Variants in FOLR1 observed in about 807,000 individuals in gnomAD.
The protein encoded by FOLR1 is folate receptor alpha.
FOLR1 carries 11 observed loss-of-function variants against 22.8 expected under a neutral mutation model. The ratio of observed to expected loss-of-function variants is 0.48; its 90% CI spans 0.30 to 0.80. FOLR1 has a LOEUF of 0.80. Among genes scored for constraint, FOLR1 ranks in the 30% least tolerant of loss-of-function variants. FOLR1 has a pLI of 0.06. For missense variants in FOLR1, 273 were observed against 320.3 expected, an observed-to-expected ratio of 0.85 and a Z score of 1.13; for synonymous variants, 108 against 116.5, an observed-to-expected ratio of 0.93 and a Z score of 0.47.
At chr11:72,193,583 C>T (rs190967002) in intron 1 of FOLR1, among the ~76,000 whole-genome samples, 65 of 148,826 alleles carry the variant, frequency 4.4e-4, no homozygotes, top group Non-Finnish European at 8.3e-4. Context: ...AGTAGGCACA[C>T]GCCACCACAC....
chr11:72,192,052 G>C (rs1948162841), upstream of FOLR1: 1 of 1,063,246 alleles, frequency 9.4e-7, no homozygotes, highest in African/African-American at 1.6e-5. Flanking sequence ...GATGGGGGCA[G>C]GGCTCTATCT....
At chr11:72,194,435 T>C (rs1209546407) in intron 1 of FOLR1, among the ~76,000 whole-genome samples, 2 of 152,328 alleles carry the variant, frequency 1.3e-5, no homozygotes, top group South Asian at 4.1e-4. Context: ...AGTCTTGCTC[T>C]GTCGCCCAGG....
chr11:72,195,204 T>C (rs1259098384), intron 1 of FOLR1, 67 bp from the exon 2 acceptor site: 3 of 1,429,508 alleles, frequency 2.1e-6, no homozygotes, highest in African/African-American at 2.8e-5. Context: ...AGACACTGCA[T>C]GTGGAATATT....
In FOLR1 at chr11:72,196,275, C is replaced by A. The variant is rs1948235115; in HGVS notation, c.*98C>A. On this transcript the variant is annotated 3_prime_UTR_variant, in exon 4 of 4. Coordinates refer to ENST00000393676, the MANE Select transcript of FOLR1 (RefSeq NM_016729.3). The stretch of plus-strand genomic sequence containing the variant: ...GCTCCATGGTCGGGCCTCTGACAGC[C>A]ACTTTGAATAAACCAGACACCGCAC... 1.6e-6 allele frequency: 2 copies of A among 1,257,126 alleles called. No homozygotes were observed. Among genetic ancestry groups the A allele is most frequent in the African/African-American group, 1.5e-5 (1 of 68,008 alleles). The allele number at this position is 1,257,126 out of a possible 1,614,324, so 77.9% of individuals were successfully genotyped here.
intron 1 of FOLR1, among the ~76,000 whole-genome samples, chr11:72,193,399 G>A (rs1205969797): frequency 6.6e-6 from 1 of 151,562 alleles, no homozygotes. Context: ...GGAGGAAAGG[G>A]AGGGAGGAAA....
intron 1 of FOLR1, among the ~76,000 whole-genome samples, chr11:72,193,072 C>A (rs974453039): frequency 3.3e-5 from 5 of 152,098 alleles, no homozygotes; most frequent in African/African-American, 1.2e-4. Flanking sequence ...TTACGGCTCA[C>A]GCCTGTAATC....
At position 72,195,744 on chromosome 11, in the gene FOLR1, T is replaced by G. The variant is rs1322696354; in HGVS notation, c.490T>G (p.Ser164Ala). 6.2e-7 allele frequency: 1 copy of G among 1,614,144 alleles called. No individual in the cohort carries two copies. Among genetic ancestry groups the G allele is most frequent in the East Asian group, 2.2e-5 (1 of 44,884 alleles). ...CTGGCACAAGGGCTGGAACTGGACT[T>G]CAGGTGAGGGCTGGGGTGGGCAGGA... ...SNWHKGWNWT[S>A]GFNKCAVGAA... The change falls in exon 3 of 4, where the codon TCA becomes GCA. Residue 164 changes from serine (S) to alanine (A), a missense_variant. Physicochemically the swap from Ser to Ala is moderately conservative, Grantham distance 99. Coordinates refer to ENST00000393676, the MANE Select transcript of FOLR1 (RefSeq NM_016729.3).
intron 1 of FOLR1, among the ~76,000 whole-genome samples, chr11:72,194,632 C>T (rs1948202407): frequency 6.6e-6 from 1 of 152,192 alleles, no homozygotes; most frequent in African/African-American, 2.4e-5. Context: ...ATCTCTTAGC[C>T]TCGTGATCCA....
At chr11:72,190,929 G>C (rs1324734642), upstream of FOLR1, among the ~76,000 whole-genome samples, 1 of 152,234 alleles carries the variant, frequency 6.6e-6, no homozygotes, top group Non-Finnish European at 1.5e-5. Flanking sequence ...GAGCGGGAAA[G>C]GCATGTCCAC....
In FOLR1 at chr11:72,195,342, C is replaced by T; in HGVS notation, c.240C>T (p.Tyr80=). The T allele has an allele frequency of 1.9e-6, 3 of 1,614,060 alleles. No individual in the cohort carries two copies. The South Asian group carries it at 3.3e-5, about 18-fold the overall frequency. The stretch of plus-strand genomic sequence containing the variant: ...AGGAAGCCCATAAGGATGTTTCCTA[C>T]CTATATAGATTCAACTGGAACCACT... The part of the protein sequence containing the change: ...TSQEAHKDVS[Y]LYRFNWNHCG... Residue 80 remains tyrosine, a synonymous_variant, in exon 2 of 4, where the codon TAC becomes TAT. Transcript: ENST00000393676.
intron 1 of FOLR1, among the ~76,000 whole-genome samples, chr11:72,193,066 G>A (rs1015627751): frequency 6.6e-6 from 1 of 152,134 alleles, no homozygotes; most frequent in African/African-American, 2.4e-5. Context: ...CAGGTGTTAC[G>A]GCTCACGCCT....
At chr11:72,191,246 G>A (rs1052035903), upstream of FOLR1, among the ~76,000 whole-genome samples, 9 of 152,278 alleles carry the variant, frequency 5.9e-5, no homozygotes, top group Admixed American at 1.3e-4. Context: ...TTTCCGGGAA[G>A]GGCCTACTAA....
chr11:72,195,627 C>T lies in FOLR1; in HGVS notation c.373C>T (p.Arg125Cys), dbSNP rs752503322. Residue 125 changes from arginine (R) to cysteine (C), a missense_variant, in exon 3 of 4, where the codon CGC becomes TGC. By Grantham distance (180) the Arg-to-Cys change is radical (BLOSUM62 -3). Transcript: ENST00000393676. ...AATCACCCAGGTGGATCAGAGCTGG[C>T]GCAAAGAGCGGGTACTGAACGTGCC... ...PWIQQVDQSW[R>C]KERVLNVPLC... 20 of 1,614,070 alleles carry T rather than the reference C, an allele frequency of 1.2e-5. No individual in the cohort carries two copies. The highest frequency in any genetic ancestry group is 2.7e-5 in the African/African-American group (2 of 74,922).
At position 72,195,916 on chromosome 11, in the gene FOLR1, G is replaced by A. The variant is rs1948225369; in HGVS notation, c.513G>A (p.Val171=). ...NWTSGFNKCA[V]GAACQPFHFY... ...CTACAGGGTTTAACAAGTGCGCAGT[G>A]GGAGCTGCCTGCCAACCTTTCCATT... The change falls in exon 4 of 4, where the codon GTG becomes GTA. Residue 171 remains valine (V), a synonymous_variant. Coordinates refer to ENST00000393676, the MANE Select transcript of FOLR1 (RefSeq NM_016729.3). 6.2e-7 allele frequency: 1 copy of A among 1,614,182 alleles called. No homozygotes were observed. The highest frequency in any genetic ancestry group is 1.1e-5 in the South Asian group (1 of 91,070).
chr11:72,192,417 C>T, intron 1 of FOLR1, 76 bp downstream of exon 1: 2 of 1,522,644 alleles, frequency 1.3e-6, no homozygotes, highest in South Asian at 2.3e-5. Flanking sequence ...ATGCCAAACC[C>T]CATTCACTGG....
At position 72,195,467 on chromosome 11, in the gene FOLR1, T is replaced by C; in HGVS notation, c.357+8T>C. The C allele has an allele frequency of 6.2e-7, 1 of 1,614,168 alleles. No homozygotes were observed. The highest frequency in any genetic ancestry group is 1.1e-5 in the South Asian group (1 of 91,086). On this transcript the variant is annotated splice_region_variant and intron_variant, in intron 2 of 3. Transcript: ENST00000393676. The stretch of plus-strand genomic sequence containing the variant: ...GGGCCCTGGATCCAGCAGGTATGCA[T>C]GGCTTCCTGCAGGTACAAGACCTAG...
chr11:72,195,725 C>T lies in FOLR1; in HGVS notation c.471C>T (p.His157=). Residue 157 remains histidine (H), a synonymous_variant, in exon 3 of 4, where the codon CAC becomes CAT. Transcript: ENST00000393676. ...CCTACACCTGCAAGAGCAACTGGCA[C>T]AAGGGCTGGAACTGGACTTCAGGTG... is the stretch of plus-strand genomic sequence containing the variant. ...RTSYTCKSNW[H]KGWNWTSGFN... is the part of the protein sequence containing the mutation. 6.2e-7 allele frequency: 1 copy of T among 1,614,180 alleles called. No individual in the cohort carries two copies. The highest frequency in any genetic ancestry group is 1.1e-5 in the South Asian group (1 of 91,084).
chr11:72,196,321 G>A, downstream of FOLR1: 2 of 841,600 alleles, frequency 2.4e-6, no homozygotes. Flanking sequence ...AGAATTATTT[G>A]GATATGAATG....
intron 1 of FOLR1, 126 bp from the exon 2 acceptor site, chr11:72,195,145 T>A (rs1222002631): frequency 1.0e-6 from 1 of 978,666 alleles, no homozygotes; most frequent in African/African-American, 1.6e-5. Flanking sequence ...ATAGCAAGTA[T>A]TTTCCTGGGT....
Sources: gnomAD v4.1 joint callset for allele counts (sites outside exome capture counted in the v4.1 genomes callset) on GRCh38, gnomAD v4.1.1 for gene constraint, MANE v1.5 for transcripts, NCBI Gene and HGNC (gene_info 2026-07-23, HGNC 2026-07-21) for gene names.